SCN1A: variants seen among roughly 807,000 people sequenced by gnomAD.
SCN1A encodes sodium voltage-gated channel alpha subunit 1.
A neutral mutation model predicts 193.7 loss-of-function variants in SCN1A; 13 were observed. The observed-to-expected ratio is 0.07, with a 90% confidence interval of 0.04 to 0.11. The LOEUF (loss-of-function observed/expected upper bound fraction) is 0.11, where lower values mean the gene tolerates loss of function less well. SCN1A is among the 10% of genes least tolerant of loss of function. SCN1A has a pLI of 1.00. For missense variants in SCN1A, 1,432 were observed against 2,451.1 expected, an observed-to-expected ratio of 0.58 and a Z score of 8.78; for synonymous variants, 781 against 843.6, an observed-to-expected ratio of 0.93 and a Z score of 1.29.
In SCN1A at chr2:166,037,796, T is replaced by G. The variant is rs773681556; in HGVS notation, c.2926A>C (p.Met976Leu). Reference sequence around the variant, plus strand: ...CATACCACTAGGTTTCCAATCACCATGACCATCATGAAGACAGTAAGGCAC... The same window carrying G: ...CATACCACTAGGTTTCCAATCACCAGGACCATCATGAAGACAGTAAGGCAC... ...AMCLTVFMMV[M>L]VIGNLVVLNL... Residue 976 changes from methionine (M) to leucine (L), a missense_variant, in exon 18 of 29, where the codon ATG becomes CTG. By Grantham distance (15) the Met-to-Leu change is conservative. This residue lies in a region of SCN1A where 93 missense variants were observed against 260.4 expected (regional missense o/e 0.36). Transcript: ENST00000674923. 164 of 1,614,076 alleles carry G rather than the reference T, an allele frequency of 1.0e-4. No homozygotes were observed. The highest frequency in any genetic ancestry group is 1.3e-4 in the Non-Finnish European group (152 of 1,180,046).
chr2:166,034,106 C>G (rs1696013740), intron 19 of SCN1A, among the ~76,000 whole-genome samples: 1 of 70,746 alleles, frequency 1.4e-5, no homozygotes, highest in Non-Finnish European at 2.7e-5. Flanking sequence ...TTGATAAAAA[C>G]AGTCTATTTT....
chr2:166,112,429 T>C (rs1366394843), intron 2 of SCN1A, among the ~76,000 whole-genome samples: 2 of 152,194 alleles, frequency 1.3e-5, no homozygotes, highest in East Asian at 1.9e-4. Context: ...TAATAGACTA[T>C]AGTATGGTGT....
intron 19 of SCN1A, 24 bp downstream of exon 19, chr2:166,036,024 C>T (rs768184402): frequency 1.2e-6 from 2 of 1,609,622 alleles, no homozygotes; most frequent in Admixed American, 1.7e-5. Flanking sequence ...GTATTCATAC[C>T]TTCCCACACC....
At chr2:166,031,241 T>A (rs1695515406) in intron 19 of SCN1A, among the ~76,000 whole-genome samples, 1 of 151,896 alleles carries the variant, frequency 6.6e-6, no homozygotes, top group South Asian at 2.1e-4. Flanking sequence ...TAGGTGTGAG[T>A]TCACCACAGA....
intron 12 of SCN1A, among the ~76,000 whole-genome samples, chr2:166,046,401 A>T (rs1697825524): frequency 6.6e-6 from 1 of 152,144 alleles, no homozygotes; most frequent in African/African-American, 2.4e-5. Flanking sequence ...TATGTTTAAG[A>T]ACTAGAGGAG....
intron 2 of SCN1A, among the ~76,000 whole-genome samples, chr2:166,119,764 A>G (rs1420885360): frequency 6.6e-6 from 1 of 152,112 alleles, no homozygotes; most frequent in Admixed American, 6.5e-5. Context: ...TTAATATTCC[A>G]AAAGACAAAA....
At chr2:166,088,535 G>A (rs1015780949) in intron 2 of SCN1A, among the ~76,000 whole-genome samples, 15 of 152,088 alleles carry the variant, frequency 9.9e-5, no homozygotes, top group Non-Finnish European at 8.8e-5. Context: ...TCAATAGCAG[G>A]TGGCAGCTGA....
intron 2 of SCN1A, among the ~76,000 whole-genome samples, chr2:166,079,839 A>G (rs1685317303): frequency 6.6e-6 from 1 of 151,550 alleles, no homozygotes; most frequent in Non-Finnish European, 1.5e-5. Flanking sequence ...TTCATATGTA[A>G]GCAATATAAC....
chr2:166,130,933 T>C (rs1691633739), upstream of SCN1A, among the ~76,000 whole-genome samples: 1 of 152,184 alleles, frequency 6.6e-6, no homozygotes. Context: ...GCAGAAGATA[T>C]TAAAACAAAA....
intron 1 of SCN1A, among the ~76,000 whole-genome samples, chr2:166,144,262 A>G (rs1692212987): frequency 6.6e-6 from 1 of 152,234 alleles, no homozygotes; most frequent in South Asian, 2.1e-4. Context: ...GGAGGGTGCC[A>G]GTGAAAAGAG....
chr2:166,022,567 A>T (rs1161594667), intron 19 of SCN1A, among the ~76,000 whole-genome samples: 1 of 152,166 alleles, frequency 6.6e-6, no homozygotes, highest in Non-Finnish European at 1.5e-5. Context: ...GCAGAATTCT[A>T]AGATGGTCTC....
intron 2 of SCN1A, among the ~76,000 whole-genome samples, chr2:166,111,047 T>C (rs1689240479): frequency 6.6e-6 from 1 of 152,132 alleles, no homozygotes; most frequent in African/African-American, 2.4e-5. Context: ...CAGTCTCGGG[T>C]ATGTCTTTAT....
At chr2:166,073,712 G>C in intron 3 of SCN1A, 42 bp from the exon 4 acceptor site, 12 of 1,322,090 alleles carry the variant, frequency 9.1e-6, no homozygotes, top group Non-Finnish European at 1.2e-5. Context: ...AGTGGACTAA[G>C]AGATGTTAAT....
chr2:166,091,728 T>C (rs777943730), intron 2 of SCN1A, among the ~76,000 whole-genome samples: 1 of 152,206 alleles, frequency 6.6e-6, no homozygotes, highest in African/African-American at 2.4e-5. Context: ...GCAAATACTT[T>C]AGTGCAATAA....
In SCN1A at chr2:166,101,613, T is replaced by A. The variant is rs549599213; in HGVS notation, c.-141-23812A>T. Among the ~76,000 whole-genome samples, 5 of 151,204 alleles carry A rather than the reference T, an allele frequency of 3.3e-5. No homozygotes were observed. The South Asian group carries it at 1.1e-3, about 32-fold the overall frequency. On this transcript the variant is annotated intron_variant, in intron 2 of 28. Coordinates refer to ENST00000674923, the MANE Select transcript of SCN1A (RefSeq NM_001165963.4). The stretch of plus-strand genomic sequence containing the variant: ...TTCTGATCTTGAACACAATCGATAA[T>A]AGCAAGCAAGGCAGAAAAGACTCCC...
At chr2:166,040,838 G>A (rs1486987422) in intron 16 of SCN1A, among the ~76,000 whole-genome samples, 1 of 152,174 alleles carries the variant, frequency 6.6e-6, no homozygotes, top group Non-Finnish European at 1.5e-5. Flanking sequence ...TTTTTGAGTT[G>A]TTAAATTATT....
intron 1 of SCN1A, among the ~76,000 whole-genome samples, chr2:166,142,114 AAGT>A (rs1402557328): frequency 2.0e-5 from 3 of 152,170 alleles, no homozygotes; most frequent in Non-Finnish European, 4.4e-5. Flanking sequence ...GATATATGTA[AAGT>A]TGGGTCTGTG....
chr2:166,144,214 C>T (rs991190407), intron 1 of SCN1A, among the ~76,000 whole-genome samples: 2 of 152,148 alleles, frequency 1.3e-5, no homozygotes, highest in Non-Finnish European at 2.9e-5. Context: ...AGTATTTCTT[C>T]AATAAAAGTT....
At chr2:166,144,409 G>A (rs1479030792) in intron 1 of SCN1A, among the ~76,000 whole-genome samples, 1 of 152,124 alleles carries the variant, frequency 6.6e-6, no homozygotes, top group Non-Finnish European at 1.5e-5. Flanking sequence ...CCCTCTTAAG[G>A]GGGTAATAAT....
Sources: gnomAD v4.1 joint callset for allele counts (sites outside exome capture counted in the v4.1 genomes callset) on GRCh38, gnomAD v4.1.1 for gene constraint, gnomAD v4.1.1 regional missense constraint, MANE v1.5 for transcripts, NCBI Gene and HGNC (gene_info 2026-07-23, HGNC 2026-07-21) for gene names.